FBXO34: variants seen among roughly 807,000 people sequenced by gnomAD.
The protein encoded by FBXO34 is F-box protein 34.
Under a neutral mutation model 24.5 loss-of-function variants are expected in FBXO34, and 12 were observed. The observed-to-expected ratio is 0.49, with a 90% CI of 0.31 to 0.79. The LOEUF (loss-of-function observed/expected upper bound fraction) is 0.79, where lower values mean the gene tolerates loss of function less well. Among genes scored for constraint, FBXO34 ranks in the 30% least tolerant of loss-of-function variants. The probability of loss-of-function intolerance (pLI) is 0.04; values close to 1 mark genes in which losing one functional copy is unlikely to be tolerated. For synonymous variants in FBXO34, 320 were observed against 311.9 expected (o/e 1.03, Z -0.27); for missense variants, 823 against 857.7 (o/e 0.96, Z 0.51).
the FBXO34 span, chr14:55,380,832 C>A: frequency 1.5e-5 from 4 of 268,694 alleles, no homozygotes; most frequent in Non-Finnish European, 2.7e-5. Flanking sequence ...CATGACCAGA[C>A]ATAAATGGTC....
intron 1 of FBXO34, among the ~76,000 whole-genome samples, chr14:55,303,613 T>C (rs1161372772): frequency 6.7e-6 from 1 of 149,202 alleles, no homozygotes; most frequent in African/African-American, 2.5e-5. Flanking sequence ...TTTTTTTTAA[T>C]AGTTGTAAAG....
chr14:55,416,404 T>A, the FBXO34 span, among the ~76,000 whole-genome samples: 5 of 151,562 alleles, frequency 3.3e-5, no homozygotes, highest in Admixed American at 3.3e-4. Flanking sequence ...CCAGCCCGGG[T>A]AACATAGGGA....
the FBXO34 span, among the ~76,000 whole-genome samples, chr14:55,379,133 T>C: frequency 2.4e-3 from 359 of 152,344 alleles, 6 homozygotes; most frequent in East Asian, 0.051. Flanking sequence ...AGGATTATTT[T>C]TTTGTCACCA....
At chr14:55,371,385 C>G (rs573936503), downstream of FBXO34, among the ~76,000 whole-genome samples, 1 of 152,254 alleles carries the variant, frequency 6.6e-6, no homozygotes, top group South Asian at 2.1e-4. Context: ...ACCTGTGCTT[C>G]CCAGATGGAT....
At chr14:55,281,223 C>T (rs1881529540) in intron 1 of FBXO34, among the ~76,000 whole-genome samples, 1 of 143,582 alleles carries the variant, frequency 7.0e-6, no homozygotes, top group South Asian at 2.2e-4. Flanking sequence ...CACTGGACTC[C>T]AGCCTGGATG....
intron 1 of FBXO34, among the ~76,000 whole-genome samples, chr14:55,274,044 T>G (rs1881254012): frequency 6.6e-6 from 1 of 152,150 alleles, no homozygotes; most frequent in Non-Finnish European, 1.5e-5. Flanking sequence ...GACCTCGTGA[T>G]CCGCCCACCT....
the FBXO34 span, chr14:55,377,709 C>A: frequency 1.5e-6 from 1 of 673,696 alleles, no homozygotes. Context: ...CTATTTTTGT[C>A]CGGTTTGAGG....
chr14:55,394,256 C>T, the FBXO34 span, among the ~76,000 whole-genome samples: 2 of 152,162 alleles, frequency 1.3e-5, no homozygotes, highest in South Asian at 2.1e-4. Flanking sequence ...CCACTTGCCT[C>T]AGCCTCCCAA....
At chr14:55,312,981 G>GT (rs909255642) in intron 1 of FBXO34, among the ~76,000 whole-genome samples, 25 of 152,294 alleles carry the variant, frequency 1.6e-4, no homozygotes, top group African/African-American at 5.5e-4. Flanking sequence ...TCAGAAAATG[G>GT]TTTTTTCTTT....
the FBXO34 span, among the ~76,000 whole-genome samples, chr14:55,399,494 G>A: frequency 6.6e-6 from 1 of 152,184 alleles, no homozygotes; most frequent in Non-Finnish European, 1.5e-5. Flanking sequence ...AGATTCATCA[G>A]TCAGTCTATC....
At chr14:55,323,226 T>TTTA (rs1883222146) in intron 1 of FBXO34, among the ~76,000 whole-genome samples, 1 of 20,530 alleles carries the variant, frequency 4.9e-5, no homozygotes, top group Non-Finnish European at 6.5e-5. Context: ...AAAATATATA[T>TTTA]TTTTTTTTTT....
chr14:55,280,510 C>G (rs554486699), intron 1 of FBXO34, among the ~76,000 whole-genome samples: 5 of 145,720 alleles, frequency 3.4e-5, no homozygotes, highest in Non-Finnish European at 7.5e-5. Context: ...AAATACTACA[C>G]CATTTTATAT....
downstream of FBXO34, among the ~76,000 whole-genome samples, chr14:55,357,564 C>T (rs902978950): frequency 4.6e-5 from 7 of 152,120 alleles, no homozygotes; most frequent in African/African-American, 1.2e-4. Context: ...GCCTGTAATC[C>T]GAGCACTTTA....
chr14:55,369,851 G>T (rs1193017846), downstream of FBXO34: 1 of 1,614,142 alleles, frequency 6.2e-7, no homozygotes, highest in African/African-American at 1.3e-5. Flanking sequence ...GCTCTCATCT[G>T]ATTCTCCAGC....
At chr14:55,407,556 C>T in the FBXO34 span, among the ~76,000 whole-genome samples, 3 of 152,214 alleles carry the variant, frequency 2.0e-5, no homozygotes, top group Non-Finnish European at 4.4e-5. Flanking sequence ...TGAGCCACTG[C>T]GCCCAACCCC....
chr14:55,295,983 G>T (rs1882107626), intron 1 of FBXO34, among the ~76,000 whole-genome samples: 1 of 152,282 alleles, frequency 6.6e-6, no homozygotes. Context: ...AAGCAGTAAT[G>T]TTATGTTAAA....
intron 1 of FBXO34, chr14:55,299,292 T>G: frequency 8.2e-6 from 6 of 730,392 alleles, no homozygotes; most frequent in Admixed American, 2.0e-5. Flanking sequence ...ATGGATGTGG[T>G]GCAGGCAGGT....
downstream of FBXO34, among the ~76,000 whole-genome samples, chr14:55,358,223 C>T (rs1222700740): frequency 6.6e-6 from 1 of 152,216 alleles, no homozygotes; most frequent in African/African-American, 2.4e-5. Flanking sequence ...TGGGACCTCT[C>T]GTGAACTTTT....
In FBXO34 at chr14:55,273,108, C is replaced by G. The variant is rs73281262; in HGVS notation, c.-11+1571C>G. On this transcript the variant is annotated intron_variant, in intron 1 of 1. Coordinates refer to ENST00000313833, the MANE Select transcript of FBXO34 (RefSeq NM_017943.4). ...GGCTTAAACTTGAAGCATAGTTAGT[C>G]TTTAGCAGGAAGCTTGGGTAGAAGT... Among the ~76,000 whole-genome samples, 1,421 of 151,860 alleles carry G rather than the reference C, an allele frequency of 9.4e-3. 32 individuals carry two copies. The highest frequency in any genetic ancestry group is 0.033 in the African/African-American group (1,372 of 41,412).
Sources: gnomAD v4.1 joint callset for allele counts (sites outside exome capture counted in the v4.1 genomes callset) on GRCh38, gnomAD v4.1.1 for gene constraint, MANE v1.5 for transcripts, NCBI Gene and HGNC (gene_info 2026-07-23, HGNC 2026-07-21) for gene names.